Variants in APPL1 observed in about 807,000 individuals in gnomAD.
The protein encoded by APPL1 is adaptor protein, phosphotyrosine interacting with PH domain and leucine zipper 1, also known as DCC-interacting protein 13-alpha.
Under a neutral mutation model 106.8 loss-of-function variants are expected in APPL1, and 42 were observed. The ratio of observed to expected loss-of-function variants is 0.39; its 90% CI spans 0.31 to 0.51. The LOEUF is 0.51. Ranked by LOEUF, APPL1 falls within the 20% of genes least tolerant of loss-of-function variation. The pLI is 0.75. For synonymous variants in APPL1, 263 were observed against 281.8 expected, an observed-to-expected ratio of 0.93 and a Z score of 0.67; for missense variants, 769 against 858.2, an observed-to-expected ratio of 0.90 and a Z score of 1.30.
chr3:57,262,723 T>G (rs2060873294), intron 19 of APPL1, among the ~76,000 whole-genome samples: 1 of 151,782 alleles, frequency 6.6e-6, no homozygotes, highest in African/African-American at 2.4e-5. Flanking sequence ...ATTGAGAATA[T>G]CGTACTAACA....
chr3:57,227,861 G>C lies in APPL1; in HGVS notation c.-23G>C. ...GCTGTGGGCGGCAGCTGCGTCTCCT[G>C]CCACCGCCCTCCCTCCGCCACGATG... On this transcript the variant is annotated 5_prime_UTR_variant, in exon 1 of 22. Transcript: ENST00000288266. The C allele has an allele frequency of 2.7e-6, 4 of 1,457,096 alleles. No individual in the cohort carries two copies. The highest frequency in any genetic ancestry group is 3.6e-6 in the Non-Finnish European group (4 of 1,102,244). 90.3% of individuals were successfully genotyped at this position (1,457,096 alleles called of 1,614,324 possible). A position where few individuals can be genotyped will look rare whatever the true frequency, so the allele number is the denominator to read the frequency against.
intron 11 of APPL1, 91 bp downstream of exon 11, chr3:57,249,639 C>CCTAAAATGTCCAT: frequency 1.7e-6 from 2 of 1,170,902 alleles, no homozygotes; most frequent in Non-Finnish European, 2.3e-6. Flanking sequence ...ATTTTATGGA[C>CCTAAAATGTCCAT]ATTTTAGGTT....
chr3:57,268,376 GTTTTA>G lies in APPL1; in HGVS notation c.1894-19_1894-15del. ...AAGTTATTTCATATTTAATTCATTA[GTTTTA>G]TTCATCTGTTCTTTAGGATCGTAGG... On this transcript the variant is annotated splice_polypyrimidine_tract_variant and intron_variant, in intron 20 of 21. Coordinates refer to ENST00000288266, the MANE Select transcript of APPL1 (RefSeq NM_012096.3). 1.3e-6 allele frequency: 2 copies of G among 1,506,698 alleles called. No individual in the cohort carries two copies. The highest frequency in any genetic ancestry group is 1.8e-6 in the Non-Finnish European group (2 of 1,108,216). The allele number at this position is 1,506,698 out of a possible 1,614,324, so 93.3% of individuals were successfully genotyped here.
At chr3:57,263,238 T>C (rs1253483311) in intron 19 of APPL1, among the ~76,000 whole-genome samples, 1 of 152,196 alleles carries the variant, frequency 6.6e-6, no homozygotes, top group Non-Finnish European at 1.5e-5. Flanking sequence ...GAGTATTCCT[T>C]CCCTTAAGCA....
intron 1 of APPL1, among the ~76,000 whole-genome samples, chr3:57,232,167 AT>A (rs1178823945): frequency 6.6e-6 from 1 of 152,232 alleles, no homozygotes; most frequent in Admixed American, 6.5e-5. Flanking sequence ...TAGAAAATTA[AT>A]TGATTTTATA....
intron 6 of APPL1, 35 bp from the exon 7 acceptor site, chr3:57,242,821 C>G: frequency 6.7e-7 from 1 of 1,498,534 alleles, no homozygotes; most frequent in Admixed American, 1.7e-5. Context: ...TTGAAAAGTA[C>G]TGTTGTATTG....
intron 11 of APPL1, among the ~76,000 whole-genome samples, chr3:57,251,846 C>T (rs1377834413): frequency 6.6e-6 from 1 of 151,984 alleles, no homozygotes; most frequent in African/African-American, 2.4e-5. Context: ...TAGTGATTAA[C>T]ATTGAAATAT....
intron 6 of APPL1, 151 bp downstream of exon 6, chr3:57,242,293 TG>T: frequency 1.8e-6 from 1 of 560,798 alleles, no homozygotes; most frequent in East Asian, 3.2e-5. Flanking sequence ...TAAATTACAC[TG>T]TTTATACAGT....
Position 57,235,548 on chromosome 3 carries a change from TGC to T in APPL1, c.55-17_55-16del. The T allele has an allele frequency of 2.7e-6, 4 of 1,479,684 alleles. No homozygotes were observed. The highest frequency in any genetic ancestry group is 3.7e-6 in the Non-Finnish European group (4 of 1,068,430). 91.7% of individuals were successfully genotyped at this position (1,479,684 alleles called of 1,614,324 possible). On this transcript the variant is annotated splice_polypyrimidine_tract_variant and intron_variant, in intron 1 of 21. Transcript: ENST00000288266. ...TGTATAATGATTAACATAAACTTAT[TGC>T]TATTGTTTTATACAGACAAGGTCTT...
rs1252890659 is a variant in APPL1, at chr3:57,270,584, G to A, written c.*897G>A. ...AAAGTCAAGTGACATTTCAAAAGAA[G>A]TTCTATAACAATTATGTTTCATGCT... On this transcript the variant is annotated 3_prime_UTR_variant, in exon 22 of 22. Transcript: ENST00000288266. 2 of 152,584 alleles carry A rather than the reference G, an allele frequency of 1.3e-5. No individual in the cohort carries two copies. Among genetic ancestry groups the A allele is most frequent in the Non-Finnish European group, 2.9e-5 (2 of 68,006 alleles). 9.5% of individuals were successfully genotyped at this position (152,584 alleles called of 1,614,324 possible).
chr3:57,242,119 A>G lies in APPL1; in HGVS notation c.392A>G (p.Glu131Gly). 1 of 1,592,972 alleles carries G rather than the reference A, an allele frequency of 6.3e-7. No homozygotes were observed. The highest frequency in any genetic ancestry group is 8.6e-7 in the Non-Finnish European group (1 of 1,166,782). ...RDLKEILTLKEVFQIASNDHD... is the reference protein window; with the variant it reads ...RDLKEILTLKGVFQIASNDHD... ...TTTTCAGAAATACTAACATTAAAGG[A>G]AGTATTTCAGATTGCAAGTAATGGT... Residue 131 changes from glutamate (E) to glycine (G), a missense_variant, in exon 6 of 22, where the codon GAA becomes GGA. Transcript: ENST00000288266.
chr3:57,237,992 T>A, intron 3 of APPL1, 53 bp from the exon 4 acceptor site: 1 of 1,363,016 alleles, frequency 7.3e-7, no homozygotes, highest in Non-Finnish European at 1.0e-6. Context: ...AGTAATGTCA[T>A]TCCCAAAAGA....
intron 7 of APPL1, among the ~76,000 whole-genome samples, chr3:57,244,258 T>C (rs2060761262): frequency 6.6e-6 from 1 of 151,796 alleles, no homozygotes; most frequent in African/African-American, 2.4e-5. Flanking sequence ...TGGGTTCAAG[T>C]GATCCTCCTG....
chr3:57,228,253 G>C lies in APPL1; in HGVS notation c.54+316G>C, dbSNP rs897246531. 6.6e-6 allele frequency among the ~76,000 whole-genome samples: 1 copy of C among 152,222 alleles called. No individual in the cohort carries two copies. Among genetic ancestry groups the C allele is most frequent in the Non-Finnish European group, 1.5e-5 (1 of 68,036 alleles). ...CGCCGTTTTTATCGCGGTGATGTGA[G>C]GTGCCAAATCTCGATCCTGGAATTT... On this transcript the variant is annotated intron_variant, in intron 1 of 21. Transcript: ENST00000288266. The surrounding 1 kb of genome is among the most constrained non-coding windows in gnomAD (Gnocchi z 4.6).
chr3:57,257,543 T>G, intron 15 of APPL1, 115 bp downstream of exon 15: 2 of 913,740 alleles, frequency 2.2e-6, no homozygotes, highest in Non-Finnish European at 3.0e-6. Flanking sequence ...TTGTACTTTC[T>G]TTGTTTAATT....
intron 7 of APPL1, among the ~76,000 whole-genome samples, chr3:57,244,007 G>A (rs1434788653): frequency 6.6e-6 from 1 of 152,136 alleles, no homozygotes; most frequent in Admixed American, 6.5e-5. Flanking sequence ...AAGGCATGCA[G>A]GTGGACTAGG....
chr3:57,241,429 A>T (rs2060745852), intron 5 of APPL1, among the ~76,000 whole-genome samples: 2 of 152,212 alleles, frequency 1.3e-5, no homozygotes, highest in Admixed American at 1.3e-4. Flanking sequence ...CATAACTTGT[A>T]ATCTCAGCCA....
At chr3:57,254,551 GAA>G (rs1205670426) in intron 13 of APPL1, among the ~76,000 whole-genome samples, 1 of 152,194 alleles carries the variant, frequency 6.6e-6, no homozygotes, top group Non-Finnish European at 1.5e-5. Flanking sequence ...TTGAGGAAAA[GAA>G]GACACAGTGC....
At chr3:57,239,055 A>G (rs1293599366) in intron 4 of APPL1, among the ~76,000 whole-genome samples, 2 of 152,372 alleles carry the variant, frequency 1.3e-5, no homozygotes, top group Admixed American at 1.3e-4. Context: ...CGAAAGGCAC[A>G]TCTTACATGG....
Sources: gnomAD v4.1 joint callset for allele counts (sites outside exome capture counted in the v4.1 genomes callset) on GRCh38, gnomAD v4.1.1 for gene constraint, Gnocchi (gnomAD v3.1) non-coding constraint, MANE v1.5 for transcripts, NCBI Gene and HGNC (gene_info 2026-07-23, HGNC 2026-07-21) for gene names.